The following BBS9 variants were observed in gnomAD, a reference collection of about 807,000 sequenced individuals.
The protein encoded by BBS9 is protein PTHB1.
A neutral mutation model predicts 117.7 loss-of-function variants in BBS9; 89 were observed. The observed-to-expected ratio is 0.76, with a 90% CI of 0.64 to 0.90. The LOEUF is 0.90. BBS9 is among the 40% of genes least tolerant of loss of function. BBS9 has a pLI of 0.00. For missense variants in BBS9, 982 were observed against 1,042.2 expected, an observed-to-expected ratio of 0.94 and a Z score of 0.80; for synonymous variants, 379 against 370.9, an observed-to-expected ratio of 1.02 and a Z score of -0.25.
intron 19 of BBS9, among the ~76,000 whole-genome samples, chr7:33,458,366 T>A (rs889216724): frequency 6.6e-6 from 1 of 152,182 alleles, no homozygotes; most frequent in African/African-American, 2.4e-5. Flanking sequence ...TGTTTGTTCA[T>A]TTGTTCCATA....
At chr7:33,264,011 AC>A (rs895567083) in intron 6 of BBS9, among the ~76,000 whole-genome samples, 3 of 152,064 alleles carry the variant, frequency 2.0e-5, no homozygotes, top group Non-Finnish European at 4.4e-5. Flanking sequence ...GTTACTTGTC[AC>A]ATAAAATTCT....
At chr7:33,331,397 A>T (rs1814009225) in intron 9 of BBS9, among the ~76,000 whole-genome samples, 1 of 152,198 alleles carries the variant, frequency 6.6e-6, no homozygotes, top group South Asian at 2.1e-4. Context: ...TTTATTCAAC[A>T]TAGTACTGGA....
At chr7:33,497,513 G>T (rs17726934) in intron 19 of BBS9, among the ~76,000 whole-genome samples, 1 of 152,094 alleles carries the variant, frequency 6.6e-6, no homozygotes, top group East Asian at 1.9e-4. Context: ...GCTTTTTGTG[G>T]TGAACTTCAG....
intron 5 of BBS9, among the ~76,000 whole-genome samples, chr7:33,203,308 G>A (rs1786245199): frequency 6.6e-6 from 1 of 152,200 alleles, no homozygotes; most frequent in Non-Finnish European, 1.5e-5. Context: ...TTGAAACACA[G>A]ATTGCTGGGC....
chr7:33,441,907 C>G (rs1419925), intron 19 of BBS9, among the ~76,000 whole-genome samples: 1 of 138,620 alleles, frequency 7.2e-6, no homozygotes, highest in African/African-American at 2.6e-5. Flanking sequence ...TTTTTTTTTT[C>G]CCGAGACAGA....
In BBS9 at chr7:33,414,726, T is replaced by G. The variant is rs560713775; in HGVS notation, c.2115+26582T>G. ...GATTGTTTTGACCACTTTATTACTA[T>G]GAACAATGCTGCAGTGAACACTTCT... On this transcript the variant is annotated intron_variant, in intron 19 of 22. Coordinates refer to ENST00000242067, the MANE Select transcript of BBS9 (RefSeq NM_198428.3). Among the ~76,000 whole-genome samples the G allele has an allele frequency of 6.2e-4, 95 of 152,326 alleles. 1 individual carries two copies. The highest frequency in any genetic ancestry group is 4.1e-3 in the Admixed American group (63 of 15,296).
intron 20 of BBS9, among the ~76,000 whole-genome samples, chr7:33,521,979 G>C (rs1321271297): frequency 6.9e-6 from 1 of 143,934 alleles, no homozygotes; most frequent in Non-Finnish European, 1.5e-5. Context: ...TCCCACCTAT[G>C]AGTGAGAATA....
chr7:33,189,808 C>T (rs1783781016), intron 5 of BBS9, among the ~76,000 whole-genome samples: 2 of 151,178 alleles, frequency 1.3e-5, no homozygotes, highest in East Asian at 2.0e-4. Context: ...ATCGCTTGAA[C>T]CCAGGAGGCA....
At chr7:33,253,543 AG>A (rs1796554787) in intron 5 of BBS9, among the ~76,000 whole-genome samples, 1 of 152,108 alleles carries the variant, frequency 6.6e-6, no homozygotes, top group Non-Finnish European at 1.5e-5. Context: ...ACCCGGGAGG[AG>A]GAGGTTGCAG....
intron 5 of BBS9, among the ~76,000 whole-genome samples, chr7:33,244,056 C>A (rs143309998): frequency 0.015 from 2,213 of 152,168 alleles, 34 homozygotes; most frequent in Non-Finnish European, 0.021. Flanking sequence ...TGATGAAACC[C>A]TGTCTCTAAT....
chr7:33,339,588 G>A (rs1163772669), intron 10 of BBS9, among the ~76,000 whole-genome samples: 1 of 152,096 alleles, frequency 6.6e-6, no homozygotes, highest in African/African-American at 2.4e-5. Context: ...CAGAGTGTGG[G>A]GAATGTTTCC....
intron 11 of BBS9, 68 bp downstream of exon 11, chr7:33,341,041 T>A: frequency 7.3e-7 from 1 of 1,378,366 alleles, no homozygotes; most frequent in Non-Finnish European, 1.0e-6. Context: ...AGGACCAAAA[T>A]GCATTGGTTT....
rs151215180 is a variant in BBS9, at chr7:33,288,083, A to G, written c.1016+14127A>G. Among the ~76,000 whole-genome samples, 317 of 152,288 alleles carry G rather than the reference A, an allele frequency of 2.1e-3. 1 individual carries two copies. The highest frequency in any genetic ancestry group is 7.3e-3 in the African/African-American group (303 of 41,558). ...ACATGTGCAGTAAGGGGAACAAAGCAATATGGATTAACTCAAGCTAAGGAC... is the reference window on the plus strand; with the variant it reads ...ACATGTGCAGTAAGGGGAACAAAGCGATATGGATTAACTCAAGCTAAGGAC... On this transcript the variant is annotated intron_variant, in intron 9 of 22. Transcript: ENST00000242067.
At chr7:33,217,822 A>G (rs1789372060) in intron 5 of BBS9, among the ~76,000 whole-genome samples, 1 of 152,216 alleles carries the variant, frequency 6.6e-6, no homozygotes, top group East Asian at 1.9e-4. Context: ...GTCATCGACC[A>G]AGCCAACTGG....
intron 5 of BBS9, among the ~76,000 whole-genome samples, chr7:33,244,232 AAAACAAACAAACAAAT>A (rs1427231464): frequency 6.6e-6 from 1 of 152,150 alleles, no homozygotes; most frequent in Admixed American, 6.5e-5. Flanking sequence ...TCCATCTCAA[AAAACAAACAAACAAAT>A]AAACAAACAA....
chr7:33,571,865 C>T (rs1246488601), intron 21 of BBS9, among the ~76,000 whole-genome samples: 1 of 151,930 alleles, frequency 6.6e-6, no homozygotes, highest in Non-Finnish European at 1.5e-5. Context: ...ACAAGGATAC[C>T]ATTGGCAATG....
intron 5 of BBS9, among the ~76,000 whole-genome samples, chr7:33,236,857 A>G (rs1361792452): frequency 6.6e-6 from 1 of 152,112 alleles, no homozygotes; most frequent in East Asian, 1.9e-4. Flanking sequence ...GCGCAGTACA[A>G]TAGATCATTA....
At chr7:33,329,814 G>A (rs1023608397) in intron 9 of BBS9, among the ~76,000 whole-genome samples, 1 of 152,006 alleles carries the variant, frequency 6.6e-6, no homozygotes, top group Non-Finnish European at 1.5e-5. Flanking sequence ...CTAGTTTGAG[G>A]TGTTAATCAA....
chr7:33,347,214 G>A (rs2128655254), intron 12 of BBS9, among the ~76,000 whole-genome samples: 1 of 152,100 alleles, frequency 6.6e-6, no homozygotes, highest in East Asian at 1.9e-4. Flanking sequence ...TAATTTGTTA[G>A]CATGGTTCCA....
Sources: allele counts gnomAD v4.1 joint callset (sites outside exome capture counted in the v4.1 genomes callset), GRCh38; gene constraint gnomAD v4.1.1; transcripts MANE v1.5; gene names NCBI Gene and HGNC (gene_info 2026-07-23, HGNC 2026-07-21).